Variants in ADAMTS3 observed in about 807,000 individuals in gnomAD.
ADAMTS3 encodes the protein A disintegrin and metalloproteinase with thrombospondin motifs 3.
A neutral mutation model predicts 129.0 loss-of-function variants in ADAMTS3; 73 were observed. That is an observed-to-expected ratio of 0.57 (90% CI 0.47 to 0.69). The LOEUF (loss-of-function observed/expected upper bound fraction) is 0.69, where lower values mean the gene tolerates loss of function less well. Ranked by LOEUF, ADAMTS3 falls within the 30% of genes least tolerant of loss-of-function variation. The pLI is 0.00. For synonymous variants in ADAMTS3, 477 were observed against 510.8 expected (o/e 0.93, Z 0.89); for missense variants, 1,457 against 1,514.5 (o/e 0.96, Z 0.63).
At chr4:72,365,478 C>A (rs955093422) in intron 4 of ADAMTS3, among the ~76,000 whole-genome samples, 2 of 152,144 alleles carry the variant, frequency 1.3e-5, no homozygotes, top group Non-Finnish European at 2.9e-5. Context: ...TTTGGCGATA[C>A]TGAGAGATCC....
At chr4:72,289,872 T>A (rs949665193) in intron 20 of ADAMTS3, among the ~76,000 whole-genome samples, 3 of 152,184 alleles carry the variant, frequency 2.0e-5, no homozygotes, top group African/African-American at 7.2e-5. Context: ...CAGAACCATA[T>A]GCCAAATAAA....
intron 3 of ADAMTS3, among the ~76,000 whole-genome samples, chr4:72,447,455 T>C (rs1718286414): frequency 6.6e-6 from 1 of 151,806 alleles, no homozygotes; most frequent in South Asian, 2.1e-4. Flanking sequence ...CTGAACAGAA[T>C]GTCAGTAAAC....
chr4:72,377,385 A>G (rs753732155), intron 4 of ADAMTS3, among the ~76,000 whole-genome samples: 3 of 152,156 alleles, frequency 2.0e-5, no homozygotes, highest in Non-Finnish European at 2.9e-5. Flanking sequence ...GTTCCAAGAG[A>G]AATAGGGGAA....
chr4:72,531,756 C>A (rs1721048954), intron 3 of ADAMTS3, among the ~76,000 whole-genome samples: 1 of 152,140 alleles, frequency 6.6e-6, no homozygotes. Context: ...CACCAATATC[C>A]ACTTCAAAGG....
At chr4:72,350,924 C>G (rs1720418632) in intron 4 of ADAMTS3, among the ~76,000 whole-genome samples, 1 of 151,912 alleles carries the variant, frequency 6.6e-6, no homozygotes, top group Non-Finnish European at 1.5e-5. Flanking sequence ...CTCTGTATGG[C>G]TCTTCTCCCA....
intron 3 of ADAMTS3, among the ~76,000 whole-genome samples, chr4:72,419,387 A>G (rs1722387099): frequency 6.6e-6 from 1 of 152,180 alleles, no homozygotes; most frequent in African/African-American, 2.4e-5. Context: ...AATGATACAA[A>G]TGAGGGAATG....
intron 3 of ADAMTS3, among the ~76,000 whole-genome samples, chr4:72,541,943 GAAT>G (rs1289509765): frequency 1.3e-5 from 2 of 152,056 alleles, no homozygotes; most frequent in African/African-American, 2.4e-5. Context: ...TTCATATTTA[GAAT>G]AATGACTCAA....
At chr4:72,537,833 G>C (rs1158239946) in intron 3 of ADAMTS3, among the ~76,000 whole-genome samples, 1 of 152,032 alleles carries the variant, frequency 6.6e-6, no homozygotes, top group Non-Finnish European at 1.5e-5. Context: ...AGATCTACCA[G>C]ACAAATACTT....
chr4:72,394,942 G>A lies in ADAMTS3; in HGVS notation c.661+19873C>T, dbSNP rs538280932. Among the ~76,000 whole-genome samples the A allele has an allele frequency of 1.2e-4, 15 of 125,428 alleles. 1 individual carries two copies. The South Asian group carries it at 3.7e-3, about 31-fold the overall frequency. 82.3% of individuals were successfully genotyped at this position (125,428 alleles called of 152,430 possible). A position where few individuals can be genotyped will look rare whatever the true frequency, so the allele number is the denominator to read the frequency against. On this transcript the variant is annotated intron_variant, in intron 4 of 21. Coordinates refer to ENST00000286657, the MANE Select transcript of ADAMTS3 (RefSeq NM_014243.3). ...CGCACATTTGGCTTTTTTTTTTTTT[G>A]GAGATGGAGTTTCACTCTTGTTGCC...
intron 4 of ADAMTS3, among the ~76,000 whole-genome samples, chr4:72,396,418 A>T (rs1721726176): frequency 6.6e-6 from 1 of 152,224 alleles, no homozygotes; most frequent in Non-Finnish European, 1.5e-5. Context: ...ACATAACTTG[A>T]TATTTTATAA....
At chr4:72,417,931 T>TTAAAAAAAAAAAAAAAAAAAAAAAAAAA (rs76545577) in intron 3 of ADAMTS3, among the ~76,000 whole-genome samples, 3 of 100,678 alleles carry the variant, frequency 3.0e-5, no homozygotes, top group African/African-American at 1.1e-4. Context: ...AGACTCCATC[T>TTAAAAAAAAAAAAAAAAAAAAAAAAAAA]CAAAAAAAAA....
chr4:72,416,731 C>A (rs1272102998), intron 3 of ADAMTS3, among the ~76,000 whole-genome samples: 1 of 152,150 alleles, frequency 6.6e-6, no homozygotes, highest in African/African-American at 2.4e-5. Flanking sequence ...TAATTTCCAA[C>A]ATCTTCCTCA....
chr4:72,429,963 T>A (rs2109944638), intron 3 of ADAMTS3, among the ~76,000 whole-genome samples: 1 of 152,126 alleles, frequency 6.6e-6, no homozygotes, highest in South Asian at 2.1e-4. Flanking sequence ...AGATTCAGTA[T>A]TCCTAATAAA....
intron 4 of ADAMTS3, among the ~76,000 whole-genome samples, chr4:72,376,319 G>A (rs58908293): frequency 0.025 from 3,751 of 152,178 alleles, 156 homozygotes; most frequent in African/African-American, 0.086. Flanking sequence ...GTCTTCATAC[G>A]GCGGAAAGGT....
At chr4:72,470,094 A>G (rs1286162159) in intron 3 of ADAMTS3, among the ~76,000 whole-genome samples, 2 of 152,046 alleles carry the variant, frequency 1.3e-5, no homozygotes, top group Admixed American at 1.3e-4. Context: ...ACAAGACTTC[A>G]GAGAAGACTT....
intron 3 of ADAMTS3, among the ~76,000 whole-genome samples, chr4:72,545,906 T>A (rs77853921): frequency 6.6e-6 from 1 of 152,204 alleles, no homozygotes. Context: ...AAACATTTCA[T>A]TTACCAGATT....
chr4:72,527,041 T>C (rs1265932510), intron 3 of ADAMTS3, among the ~76,000 whole-genome samples: 1 of 152,074 alleles, frequency 6.6e-6, no homozygotes, highest in African/African-American at 2.4e-5. Context: ...TAGTTAGTAT[T>C]CATCAATTTT....
At chr4:72,464,724 G>A (rs1465703379) in intron 3 of ADAMTS3, among the ~76,000 whole-genome samples, 2 of 152,002 alleles carry the variant, frequency 1.3e-5, no homozygotes, top group Non-Finnish European at 2.9e-5. Context: ...GCAAGATTTG[G>A]ATTCCTAAGA....
chr4:72,406,519 G>C (rs1029508723), intron 4 of ADAMTS3, among the ~76,000 whole-genome samples: 2 of 151,686 alleles, frequency 1.3e-5, no homozygotes, highest in African/African-American at 4.8e-5. Flanking sequence ...TAAATTCTTC[G>C]CTTCCCATTT....
Sources: gnomAD v4.1 joint callset for allele counts (sites outside exome capture counted in the v4.1 genomes callset) on GRCh38, gnomAD v4.1.1 for gene constraint, MANE v1.5 for transcripts, NCBI Gene and HGNC (gene_info 2026-07-23, HGNC 2026-07-21) for gene names.